The following CDH18 variants were observed in gnomAD, a reference collection of about 807,000 sequenced individuals.
CDH18 encodes cadherin 18.
Under a neutral mutation model 67.9 loss-of-function variants are expected in CDH18, and 31 were observed. The ratio of observed to expected loss-of-function variants is 0.46; its 90% CI spans 0.34 to 0.62. The LOEUF (loss-of-function observed/expected upper bound fraction) is 0.62. CDH18 is among the 20% of genes least tolerant of loss of function. CDH18 has a pLI of 0.01. For missense variants in CDH18, 890 were observed against 975.5 expected (o/e 0.91, Z 1.17); for synonymous variants, 362 against 347.2 (o/e 1.04, Z -0.48).
intron 2 of CDH18, among the ~76,000 whole-genome samples, chr5:20,229,265 C>T (rs1351525385): frequency 6.6e-6 from 1 of 152,014 alleles, no homozygotes; most frequent in African/African-American, 2.4e-5. Flanking sequence ...ATTTTTGATG[C>T]ACTGTGTACT....
At chr5:19,955,139 G>A (rs114999350) in intron 2 of CDH18, among the ~76,000 whole-genome samples, 3,484 of 152,168 alleles carry the variant, frequency 0.023, 108 homozygotes, top group African/African-American at 0.076. Context: ...GCCATATAAA[G>A]AAGGACATGT....
intron 1 of CDH18, among the ~76,000 whole-genome samples, chr5:20,395,906 G>C (rs1291684236): frequency 6.6e-6 from 1 of 152,154 alleles, no homozygotes; most frequent in Non-Finnish European, 1.5e-5. Flanking sequence ...GAGGCTCCTG[G>C]AGAGTGGCAA....
At chr5:19,506,188 A>C (rs1744129877) in intron 10 of CDH18, among the ~76,000 whole-genome samples, 1 of 152,178 alleles carries the variant, frequency 6.6e-6, no homozygotes, top group Admixed American at 6.6e-5. Flanking sequence ...ATACCTAGGA[A>C]TCCAACTTAC....
chr5:19,796,312 A>AT (rs1282368670), intron 3 of CDH18, among the ~76,000 whole-genome samples: 1 of 152,076 alleles, frequency 6.6e-6, no homozygotes, highest in African/African-American at 2.4e-5. Flanking sequence ...ATAAAAGAAC[A>AT]TTTTTTGAAA....
At chr5:20,082,187 T>C (rs546793422) in intron 2 of CDH18, among the ~76,000 whole-genome samples, 5 of 152,268 alleles carry the variant, frequency 3.3e-5, no homozygotes, top group African/African-American at 9.6e-5. Context: ...GTACGCTTTT[T>C]CCTATTGTCA....
chr5:20,333,507 A>T (rs2150029524), intron 1 of CDH18, among the ~76,000 whole-genome samples: 1 of 137,610 alleles, frequency 7.3e-6, no homozygotes, highest in East Asian at 2.0e-4. Context: ...CTCCATCTCA[A>T]AAAAAAAAAA....
In CDH18 at chr5:20,305,237, A is replaced by G. The variant is rs1302676903; in HGVS notation, c.-579-49732T>C. On this transcript the variant is annotated intron_variant, in intron 1 of 14. Transcript: ENST00000507958. The stretch of plus-strand genomic sequence containing the variant: ...CCAGCACCACTACCAAATCCAGGAA[A>G]CCGTCCTCCTCCAGAAGGTACCACT... The G allele has an allele frequency of 3.6e-6, 5 of 1,377,656 alleles. No homozygotes were observed. The African/African-American group carries it at 5.7e-5, about 16-fold the overall frequency. The allele number at this position is 1,377,656 out of a possible 1,614,324, so 85.3% of individuals were successfully genotyped here. A position where few individuals can be genotyped will look rare whatever the true frequency, so the allele number is the denominator to read the frequency against.
At chr5:20,089,111 AT>A in intron 2 of CDH18, among the ~76,000 whole-genome samples, 1 of 152,216 alleles carries the variant, frequency 6.6e-6, no homozygotes, top group South Asian at 2.1e-4. Context: ...TTCTGAAAAA[AT>A]AATAAGTCCC....
At chr5:19,697,581 A>G (rs1762693057) in intron 5 of CDH18, among the ~76,000 whole-genome samples, 1 of 152,176 alleles carries the variant, frequency 6.6e-6, no homozygotes, top group African/African-American at 2.4e-5. Flanking sequence ...AATATAAAAA[A>G]TCATCAGAAA....
intron 3 of CDH18, among the ~76,000 whole-genome samples, chr5:19,814,516 A>G (rs1374533915): frequency 1.7e-5 from 2 of 114,638 alleles, no homozygotes; most frequent in Non-Finnish European, 3.9e-5. Flanking sequence ...GCAGGGCTCT[A>G]CAAACTACAT....
chr5:19,926,641 A>G (rs1793121790), intron 2 of CDH18, among the ~76,000 whole-genome samples: 1 of 152,156 alleles, frequency 6.6e-6, no homozygotes, highest in Non-Finnish European at 1.5e-5. Flanking sequence ...TATAGGTAAT[A>G]AAATTGACTC....
Position 19,473,072 on chromosome 5 carries a change from G to A in CDH18, c.*154C>T. On this transcript the variant is annotated 3_prime_UTR_variant, in exon 13 of 13. Coordinates refer to ENST00000382275, the MANE Select transcript of CDH18 (RefSeq NM_004934.5). ...TACTTTCTTCCAATTAAATAACCCA[G>A]TTTCGATCATGAAAAGGGCACTTGT... is the stretch of plus-strand genomic sequence containing the variant. The A allele has an allele frequency of 2.9e-6, 2 of 687,280 alleles. No individual in the cohort carries two copies. The highest frequency in any genetic ancestry group is 4.7e-6 in the Non-Finnish European group (2 of 424,502). The allele number at this position is 687,280 out of a possible 1,614,324, so 42.6% of individuals were successfully genotyped here.
chr5:20,504,284 G>T (rs984144848), intron 1 of CDH18, among the ~76,000 whole-genome samples: 1 of 152,082 alleles, frequency 6.6e-6, no homozygotes, highest in African/African-American at 2.4e-5. Flanking sequence ...TTTATCTCTT[G>T]ATTTCCTGTT....
chr5:19,904,791 C>A (rs540333458), intron 2 of CDH18, among the ~76,000 whole-genome samples: 1 of 152,260 alleles, frequency 6.6e-6, no homozygotes, highest in South Asian at 2.1e-4. Flanking sequence ...ACATGTATTA[C>A]TTTCCCAAAT....
chr5:20,265,594 A>T (rs974399290), intron 1 of CDH18, among the ~76,000 whole-genome samples: 2 of 152,046 alleles, frequency 1.3e-5, no homozygotes, highest in Non-Finnish European at 2.9e-5. Flanking sequence ...TAAAAAAAAA[A>T]TTACATTTAT....
chr5:20,124,645 A>C (rs1748669300), intron 2 of CDH18, among the ~76,000 whole-genome samples: 1 of 152,172 alleles, frequency 6.6e-6, no homozygotes, highest in Admixed American at 6.5e-5. Context: ...TTAACAGAAA[A>C]ATTGAAATTC....
At chr5:20,053,596 T>A (rs59778449) in intron 2 of CDH18, among the ~76,000 whole-genome samples, 1 of 152,092 alleles carries the variant, frequency 6.6e-6, no homozygotes, top group Admixed American at 6.6e-5. Flanking sequence ...CTAAAATGAA[T>A]CTTATCAGTC....
chr5:19,650,881 C>A (rs1291966210), intron 5 of CDH18, among the ~76,000 whole-genome samples: 1 of 151,914 alleles, frequency 6.6e-6, no homozygotes, highest in Non-Finnish European at 1.5e-5. Context: ...CATTTCAAGA[C>A]AAAATATATT....
intron 1 of CDH18, among the ~76,000 whole-genome samples, chr5:20,558,103 G>A (rs1758018305): frequency 6.6e-6 from 1 of 151,714 alleles, no homozygotes; most frequent in South Asian, 2.1e-4. Flanking sequence ...ATTAACTTGA[G>A]CTGTTCATTG....
Sources: allele counts gnomAD v4.1 joint callset (sites outside exome capture counted in the v4.1 genomes callset), GRCh38; gene constraint gnomAD v4.1.1; transcripts MANE v1.5; gene names NCBI Gene and HGNC (gene_info 2026-07-23, HGNC 2026-07-21).